The following PTPRN2 variants were observed in gnomAD, a reference collection of about 807,000 sequenced individuals.
The protein encoded by PTPRN2 is protein tyrosine phosphatase receptor type N2, also known as receptor-type tyrosine-protein phosphatase N2.
In PTPRN2, 74 loss-of-function variants were observed where a neutral mutation model predicts 118.8. The ratio of observed to expected loss-of-function variants is 0.62; its 90% confidence interval spans 0.52 to 0.76. PTPRN2 has a LOEUF of 0.76. Among genes scored for constraint, PTPRN2 ranks in the 30% least tolerant of loss-of-function variants. PTPRN2 has a pLI of 0.00. For missense variants in PTPRN2, 1,481 were observed against 1,394.4 expected, an observed-to-expected ratio of 1.06 and a Z score of -0.99; for synonymous variants, 641 against 608.0, an observed-to-expected ratio of 1.05 and a Z score of -0.80.
At chr7:158,258,648 G>A (rs1182337390) in intron 3 of PTPRN2, among the ~76,000 whole-genome samples, 2 of 152,144 alleles carry the variant, frequency 1.3e-5, no homozygotes, top group East Asian at 1.9e-4. Context: ...GAGGTTTCAG[G>A]GCCTTCCCTG....
chr7:157,717,412 A>G (rs928773829), intron 12 of PTPRN2, among the ~76,000 whole-genome samples: 3 of 152,252 alleles, frequency 2.0e-5, no homozygotes, highest in Admixed American at 2.0e-4. Flanking sequence ...ATGCATCGCC[A>G]CAAGGTCACA....
intron 12 of PTPRN2, among the ~76,000 whole-genome samples, chr7:157,791,953 C>A (rs1427293449): frequency 6.6e-6 from 1 of 152,204 alleles, no homozygotes; most frequent in Non-Finnish European, 1.5e-5. Flanking sequence ...CTTTTCCTGC[C>A]GACCAGGCCT....
Position 158,457,186 on chromosome 7 carries a change from G to T in PTPRN2, c.163+32549C>A, listed in dbSNP as rs542851049. Among the ~76,000 whole-genome samples the T allele has an allele frequency of 7.2e-5, 11 of 152,280 alleles. No homozygotes were observed. The South Asian group carries it at 1.9e-3, about 26-fold the overall frequency. On this transcript the variant is annotated intron_variant, in intron 2 of 22. Coordinates refer to ENST00000389418, the MANE Select transcript of PTPRN2 (RefSeq NM_002847.5). ...ATCTGATGAGCCACCAAGAATCCAG[G>T]CTGAGTCTTCTGACCCCTTTCCTGA...
chr7:158,004,059 G>A (rs949385027), intron 11 of PTPRN2, among the ~76,000 whole-genome samples: 8 of 152,082 alleles, frequency 5.3e-5, no homozygotes, highest in East Asian at 1.9e-4. Flanking sequence ...GCTGCTTTTC[G>A]GCTCCTCGTT....
In PTPRN2 at chr7:157,629,880, C is replaced by T. The variant is rs1245658705; in HGVS notation, c.2197-8371G>A. Among the ~76,000 whole-genome samples the T allele has an allele frequency of 2.0e-5, 3 of 152,194 alleles. No homozygotes were observed. Among genetic ancestry groups the T allele is most frequent in the Non-Finnish European group, 2.9e-5 (2 of 68,034 alleles). On this transcript the variant is annotated intron_variant, in intron 14 of 22. Coordinates refer to ENST00000389418, the MANE Select transcript of PTPRN2 (RefSeq NM_002847.5). This position sits in a 1 kb window ranked among gnomAD's most constrained non-coding sequence, Gnocchi z 4.4. ...TCCCTTTACATTTTCCTTCTTGTGACGAGACCACAGGTTTGTGTGTTGAAG... is the reference window on the plus strand; with the variant it reads ...TCCCTTTACATTTTCCTTCTTGTGATGAGACCACAGGTTTGTGTGTTGAAG...
intron 6 of PTPRN2, among the ~76,000 whole-genome samples, chr7:158,149,141 C>A (rs62480234): frequency 3.4e-5 from 5 of 146,914 alleles, no homozygotes; most frequent in South Asian, 2.2e-4. Flanking sequence ...TCTCACGCCA[C>A]GTGTCTTTCC....
intron 6 of PTPRN2, among the ~76,000 whole-genome samples, chr7:158,166,227 T>C (rs7790985): frequency 0.47 from 28,536 of 60,888 alleles, 8,833 homozygotes; most frequent in East Asian, 0.69. Flanking sequence ...CACACTGTCC[T>C]CACACCCTCA....
rs1363759584 is a variant in PTPRN2, at chr7:157,944,779, G to C, written c.1724-46042C>G. On this transcript the variant is annotated intron_variant, in intron 11 of 22. Transcript: ENST00000389418. The surrounding 1 kb of genome is among the most constrained non-coding windows in gnomAD (Gnocchi z 4.3). ...TCTTCTCTAAGCCAAGGGGCTGTTGGGACAGGCAGCCGCACCTGGCCAGCT... is the reference window on the plus strand; with the variant it reads ...TCTTCTCTAAGCCAAGGGGCTGTTGCGACAGGCAGCCGCACCTGGCCAGCT... 6.6e-6 allele frequency among the ~76,000 whole-genome samples: 1 copy of C among 152,176 alleles called. No homozygotes were observed. The highest frequency in any genetic ancestry group is 1.5e-5 in the Non-Finnish European group (1 of 68,040).
intron 2 of PTPRN2, among the ~76,000 whole-genome samples, chr7:158,418,674 T>C (rs1210672018): frequency 2.0e-5 from 3 of 150,558 alleles, no homozygotes; most frequent in Non-Finnish European, 4.4e-5. Context: ...CCCCCTGTGT[T>C]AAGTCACGGT....
chr7:158,171,238 T>TATAC (rs1563555147), intron 5 of PTPRN2, among the ~76,000 whole-genome samples: 1 of 63,920 alleles, frequency 1.6e-5, no homozygotes, highest in African/African-American at 5.6e-5. Context: ...CACATATATA[T>TATAC]ACACATATAT....
chr7:157,729,791 A>C lies in PTPRN2; in HGVS notation c.1789-46854T>G, dbSNP rs1799791783. On this transcript the variant is annotated intron_variant, in intron 12 of 22. Coordinates refer to ENST00000389418, the MANE Select transcript of PTPRN2 (RefSeq NM_002847.5). The surrounding 1 kb of genome is among the most constrained non-coding windows in gnomAD (Gnocchi z 4.3). ...CAGGTAGTGACTGCACCACACCCATAAGGGCCACCTGCTGGCCACGTGGAG... is the reference window on the plus strand; with the variant it reads ...CAGGTAGTGACTGCACCACACCCATCAGGGCCACCTGCTGGCCACGTGGAG... 1.3e-5 allele frequency among the ~76,000 whole-genome samples: 2 copies of C among 152,030 alleles called. No homozygotes were observed. The highest frequency in any genetic ancestry group is 4.8e-5 in the African/African-American group (2 of 41,390).
rs573630962 is a variant in PTPRN2 at position 157,780,270 on chromosome 7, C to A, written c.1789-97333G>T. 6.6e-6 allele frequency among the ~76,000 whole-genome samples: 1 copy of A among 152,212 alleles called. No homozygotes were observed. Among genetic ancestry groups the A allele is most frequent in the Non-Finnish European group, 1.5e-5 (1 of 68,038 alleles). ...GCTCGCTCCCCTTGCTCCTTACACA[C>A]GGCCTTCCCACTCCCAGCTAACACC... is the stretch of plus-strand genomic sequence containing the variant. On this transcript the variant is annotated intron_variant, in intron 12 of 22. Coordinates refer to ENST00000389418, the MANE Select transcript of PTPRN2 (RefSeq NM_002847.5). The surrounding 1 kb of genome is among the most constrained non-coding windows in gnomAD (Gnocchi z 4.5).
intron 2 of PTPRN2, among the ~76,000 whole-genome samples, chr7:158,431,395 C>T (rs1367565216): frequency 7.1e-6 from 1 of 140,700 alleles, no homozygotes; most frequent in Non-Finnish European, 1.5e-5. Flanking sequence ...TGGCTCACCT[C>T]GAGCACACAA....
chr7:158,064,329 G>T (rs1407033057), intron 11 of PTPRN2, among the ~76,000 whole-genome samples: 1 of 152,188 alleles, frequency 6.6e-6, no homozygotes, highest in African/African-American at 2.4e-5. Context: ...TTCTCCTGGG[G>T]ACGTCTCTCA....
At chr7:158,107,741 C>T (rs1052311797) in intron 10 of PTPRN2, among the ~76,000 whole-genome samples, 7 of 152,180 alleles carry the variant, frequency 4.6e-5, no homozygotes, top group South Asian at 2.1e-4. Flanking sequence ...ACTGCAGTCA[C>T]GCTGTACCTG....
At chr7:158,453,271 G>T (rs1275998821) in intron 2 of PTPRN2, among the ~76,000 whole-genome samples, 11 of 71,330 alleles carry the variant, frequency 1.5e-4, no homozygotes, top group Non-Finnish European at 2.7e-4. Context: ...GGCACCACAG[G>T]GTTGGCTAAC....
At chr7:158,280,017 CCA>C (rs1467447062) in intron 3 of PTPRN2, among the ~76,000 whole-genome samples, 1 of 150,836 alleles carries the variant, frequency 6.6e-6, no homozygotes, top group Non-Finnish European at 1.5e-5. Context: ...GCCCCCGAAC[CCA>C]CAGAGCCCCG....
chr7:158,489,613 C>T, intron 2 of PTPRN2, 122 bp downstream of exon 2: 1 of 1,026,660 alleles, frequency 9.7e-7, no homozygotes, highest in Non-Finnish European at 1.3e-6. Context: ...CGCCTCCTCT[C>T]GGCAGCGCGC....
intron 12 of PTPRN2, among the ~76,000 whole-genome samples, chr7:157,770,988 G>A (rs958825409): frequency 6.6e-6 from 1 of 152,254 alleles, no homozygotes; most frequent in Admixed American, 6.5e-5. Flanking sequence ...CAGAAGTAAC[G>A]CCCTGCCAGT....
Sources: allele counts gnomAD v4.1 joint callset (sites outside exome capture counted in the v4.1 genomes callset), GRCh38; gene constraint gnomAD v4.1.1; non-coding constraint Gnocchi (gnomAD v3.1); transcripts MANE v1.5; gene names NCBI Gene and HGNC (gene_info 2026-07-23, HGNC 2026-07-21).